The following CNTN3 variants were observed in gnomAD, a reference collection of about 807,000 sequenced individuals.
The protein encoded by CNTN3 is contactin 3, also known as contactin-3.
In CNTN3, 60 loss-of-function variants were observed where a neutral mutation model predicts 119.1. The ratio of observed to expected loss-of-function variants is 0.50; its 90% CI spans 0.41 to 0.62. CNTN3 has a LOEUF of 0.62. Among genes scored for constraint, CNTN3 ranks in the 20% least tolerant of loss-of-function variants. The pLI is 0.00. For synonymous variants in CNTN3, 450 were observed against 438.7 expected, an observed-to-expected ratio of 1.03 and a Z score of -0.32; for missense variants, 1,101 against 1,242.4, an observed-to-expected ratio of 0.89 and a Z score of 1.71.
chr3:74,331,039 A>G (rs2106699616), intron 13 of CNTN3, among the ~76,000 whole-genome samples: 1 of 152,306 alleles, frequency 6.6e-6, no homozygotes. Flanking sequence ...TATTGAAGAA[A>G]GAAAATACTT....
rs1191023607 is a variant in CNTN3 at position 74,290,907 on chromosome 3, AT to A, written c.2517+4213del. Among the ~76,000 whole-genome samples, 11 of 147,066 alleles carry A rather than the reference AT, an allele frequency of 7.5e-5. No homozygotes were observed. The East Asian group carries it at 2.0e-3, about 26-fold the overall frequency. ...TTTATTTTTACTTTTTTACTTTTTT[AT>A]TTTTTTTATACTTTAAGTTCGAGGG... On this transcript the variant is annotated intron_variant, in intron 19 of 22. Transcript: ENST00000263665.
At chr3:74,452,278 T>C (rs1210275127) in intron 4 of CNTN3, among the ~76,000 whole-genome samples, 1 of 136,350 alleles carries the variant, frequency 7.3e-6, no homozygotes, top group East Asian at 2.3e-4. Flanking sequence ...TTTGAAGCAA[T>C]TGTGAATGGG....
At chr3:74,377,483 T>C (rs1704507305) in intron 5 of CNTN3, among the ~76,000 whole-genome samples, 1 of 152,150 alleles carries the variant, frequency 6.6e-6, no homozygotes, top group Non-Finnish European at 1.5e-5. Flanking sequence ...TCAGCATTCT[T>C]TGGAGATTTC....
intron 19 of CNTN3, among the ~76,000 whole-genome samples, chr3:74,289,493 C>T (rs932565689): frequency 3.3e-5 from 5 of 151,916 alleles, no homozygotes; most frequent in East Asian, 1.9e-4. Flanking sequence ...GAAATGGTGG[C>T]CACTGGGTCC....
chr3:74,284,405 G>A (rs1013300169), intron 20 of CNTN3, among the ~76,000 whole-genome samples: 1 of 152,022 alleles, frequency 6.6e-6, no homozygotes, highest in Non-Finnish European at 1.5e-5. Flanking sequence ...GTATCACTGC[G>A]CGTAAGTTAC....
intron 2 of CNTN3, among the ~76,000 whole-genome samples, chr3:74,519,962 T>G (rs1703515034): frequency 6.6e-6 from 1 of 151,678 alleles, no homozygotes; most frequent in African/African-American, 2.4e-5. Flanking sequence ...GAAGCATGTT[T>G]GAACTTTGAC....
chr3:74,412,423 A>C (rs555491682), intron 5 of CNTN3, among the ~76,000 whole-genome samples: 20 of 152,314 alleles, frequency 1.3e-4, no homozygotes, highest in African/African-American at 4.3e-4. Context: ...CAGATACTAC[A>C]GGCCTCCAAG....
Position 74,362,010 on chromosome 3 carries a change from A to T in CNTN3, c.1244T>A (p.Met415Lys), listed in dbSNP as rs559376450. 6.2e-7 allele frequency: 1 copy of T among 1,613,646 alleles called. No individual in the cohort carries two copies. Among genetic ancestry groups the T allele is most frequent in the South Asian group, 1.1e-5 (1 of 91,052 alleles). ...ASAPDFSKNP[M>K]KKLVQVQVGS... Reference sequence around the variant, plus strand: ...CACCTGCACCTGAACCAACTTCTTCATTGGATTCTTTGAAAAATCTGGAGC... The same window carrying T: ...CACCTGCACCTGAACCAACTTCTTCTTTGGATTCTTTGAAAAATCTGGAGC... The change falls in exon 11 of 23, where the codon ATG becomes AAG. Residue 415 changes from methionine to lysine, a missense_variant. Physicochemically the swap from Met to Lys is moderately conservative, Grantham distance 95 (BLOSUM62 -1). Transcript: ENST00000263665.
At chr3:74,534,699 T>C (rs1005215423) in intron 1 of CNTN3, among the ~76,000 whole-genome samples, 4 of 152,074 alleles carry the variant, frequency 2.6e-5, no homozygotes, top group African/African-American at 7.2e-5. Flanking sequence ...AAATAACTTG[T>C]GTTTCTTACT....
chr3:74,483,511 C>T (rs959540731), intron 4 of CNTN3, among the ~76,000 whole-genome samples: 3 of 152,070 alleles, frequency 2.0e-5, no homozygotes, highest in Admixed American at 6.6e-5. Context: ...GATGTGTTTG[C>T]AGAGAGCAAC....
chr3:74,588,693 T>C (rs1219766408), intron 1 of CNTN3, among the ~76,000 whole-genome samples: 2 of 152,136 alleles, frequency 1.3e-5, no homozygotes, highest in Admixed American at 6.6e-5. Context: ...TCATGCTACC[T>C]GACTTCAAAC....
At chr3:74,318,912 G>A (rs1702908188) in intron 13 of CNTN3, among the ~76,000 whole-genome samples, 1 of 152,092 alleles carries the variant, frequency 6.6e-6, no homozygotes, top group Non-Finnish European at 1.5e-5. Context: ...AGTCTTCAGA[G>A]GTTACTGCTG....
In CNTN3 at chr3:74,472,948, A is replaced by T. The variant is rs536186830; in HGVS notation, c.358+13508T>A. 6.6e-5 allele frequency among the ~76,000 whole-genome samples: 10 copies of T among 152,274 alleles called. No homozygotes were observed. The South Asian group carries it at 2.1e-3, about 32-fold the overall frequency. ...CTAATTGTCGGTAATTTTTATTTTCAGATATAGCCAGCCACTCTGGGATTC... is the reference window on the plus strand; with the variant it reads ...CTAATTGTCGGTAATTTTTATTTTCTGATATAGCCAGCCACTCTGGGATTC... On this transcript the variant is annotated intron_variant, in intron 4 of 22. Coordinates refer to ENST00000263665, the MANE Select transcript of CNTN3 (RefSeq NM_020872.3).
chr3:74,346,939 C>T (rs74699818), intron 11 of CNTN3, among the ~76,000 whole-genome samples: 7,897 of 152,082 alleles, frequency 0.052, 657 homozygotes, highest in African/African-American at 0.18. Flanking sequence ...AAGAAATAGT[C>T]GCAATAAATT....
chr3:74,454,219 G>A (rs1702218060), intron 4 of CNTN3, among the ~76,000 whole-genome samples: 2 of 129,796 alleles, frequency 1.5e-5, no homozygotes, highest in African/African-American at 5.9e-5. Flanking sequence ...TATATATTTA[G>A]GATAGTTAGC....
intron 1 of CNTN3, among the ~76,000 whole-genome samples, chr3:74,599,305 T>C (rs537506295): frequency 6.6e-6 from 1 of 152,154 alleles, no homozygotes; most frequent in East Asian, 1.9e-4. Flanking sequence ...ATAAGGGTAA[T>C]GAGTGATAAA....
chr3:74,382,531 C>A (rs1704647211), intron 5 of CNTN3, among the ~76,000 whole-genome samples: 1 of 152,100 alleles, frequency 6.6e-6, no homozygotes, highest in South Asian at 2.1e-4. Flanking sequence ...AACTCCCCCA[C>A]CACCAGCCTA....
intron 1 of CNTN3, among the ~76,000 whole-genome samples, chr3:74,528,580 G>A (rs1319421423): frequency 6.6e-6 from 1 of 151,714 alleles, no homozygotes; most frequent in Non-Finnish European, 1.5e-5. Context: ...CCATTTTTCA[G>A]ATAAAGAAAT....
intron 1 of CNTN3, among the ~76,000 whole-genome samples, chr3:74,524,678 T>G (rs1297272217): frequency 1.3e-5 from 2 of 151,840 alleles, no homozygotes; most frequent in African/African-American, 4.8e-5. Flanking sequence ...CATCAACTAC[T>G]ACTTATCTCC....
Sources: gnomAD v4.1 joint callset for allele counts (sites outside exome capture counted in the v4.1 genomes callset) on GRCh38, gnomAD v4.1.1 for gene constraint, MANE v1.5 for transcripts, NCBI Gene and HGNC (gene_info 2026-07-23, HGNC 2026-07-21) for gene names.